FMN2: variants seen among roughly 807,000 people sequenced by gnomAD.
FMN2 encodes formin-2.
FMN2 carries 51 observed loss-of-function variants against 142.3 expected under a neutral mutation model. The observed-to-expected ratio is 0.36, with a 90% CI of 0.29 to 0.45. FMN2 has a LOEUF of 0.45. FMN2 is among the 20% of genes least tolerant of loss of function. FMN2 has a pLI of 1.00. For missense variants in FMN2, 1,936 were observed against 2,122.8 expected, an observed-to-expected ratio of 0.91 and a Z score of 1.73; for synonymous variants, 882 against 869.8, an observed-to-expected ratio of 1.01 and a Z score of -0.25.
At chr1:240,347,746 T>C (rs907860549) in intron 13 of FMN2, among the ~76,000 whole-genome samples, 10 of 152,170 alleles carry the variant, frequency 6.6e-5, no homozygotes, top group African/African-American at 2.4e-4. Flanking sequence ...TTTATGTCTG[T>C]GTATACCCAA....
chr1:240,226,671 G>C (rs891110685), intron 6 of FMN2, among the ~76,000 whole-genome samples: 1 of 152,164 alleles, frequency 6.6e-6, no homozygotes, highest in Non-Finnish European at 1.5e-5. Flanking sequence ...TGTGGCTGCA[G>C]TGAGCTATGA....
chr1:240,136,995 A>G (rs1394180448), intron 2 of FMN2, among the ~76,000 whole-genome samples: 1 of 149,780 alleles, frequency 6.7e-6, no homozygotes, highest in Non-Finnish European at 1.5e-5. Context: ...GCTTGAACCC[A>G]AGAGGCGGAC....
At chr1:240,299,217 G>T (rs141789838) in intron 8 of FMN2, among the ~76,000 whole-genome samples, 1 of 152,184 alleles carries the variant, frequency 6.6e-6, no homozygotes, top group East Asian at 1.9e-4. Context: ...CAAAGTGCTG[G>T]GATTACAGGC....
intron 6 of FMN2, among the ~76,000 whole-genome samples, chr1:240,249,970 G>T (rs1002576890): frequency 6.6e-6 from 1 of 152,160 alleles, no homozygotes; most frequent in Admixed American, 6.5e-5. Context: ...GAGTTCATCA[G>T]AACTAATGGT....
intron 4 of FMN2, among the ~76,000 whole-genome samples, chr1:240,189,347 G>A (rs1031566759): frequency 2.0e-5 from 3 of 152,188 alleles, no homozygotes; most frequent in Non-Finnish European, 4.4e-5. Context: ...GTTCTGTTCT[G>A]TTGGTGGTCT....
At chr1:240,319,623 C>T (rs749370679) in intron 8 of FMN2, among the ~76,000 whole-genome samples, 9 of 152,100 alleles carry the variant, frequency 5.9e-5, no homozygotes, top group Non-Finnish European at 1.2e-4. Context: ...TAGACTGAAA[C>T]GATGTCGTCT....
intron 1 of FMN2, among the ~76,000 whole-genome samples, chr1:240,097,585 GACCTCGTGATCCGCCC>G (rs1421038993): frequency 1.3e-5 from 2 of 152,108 alleles, no homozygotes; most frequent in Non-Finnish European, 2.9e-5. Context: ...TTGATCTCCT[GACCTCGTGATCCGCCC>G]GCCTCGGCCG....
intron 14 of FMN2, among the ~76,000 whole-genome samples, chr1:240,360,330 A>T (rs1188916618): frequency 6.6e-6 from 1 of 152,208 alleles, no homozygotes; most frequent in Non-Finnish European, 1.5e-5. Flanking sequence ...ACATCTGCAA[A>T]CCAACAGCAT....
chr1:240,229,045 A>C (rs1196180387), intron 6 of FMN2, among the ~76,000 whole-genome samples: 3 of 151,834 alleles, frequency 2.0e-5, no homozygotes, highest in East Asian at 3.9e-4. Context: ...ACTTTCGGAC[A>C]CAGTCACCAG....
chr1:240,400,873 A>C (rs1673961747), intron 15 of FMN2: 1 of 152,432 alleles, frequency 6.6e-6, no homozygotes, highest in Non-Finnish European at 1.5e-5. Context: ...CTTTAATCTC[A>C]GCACTTTTGG....
At chr1:240,304,003 G>T (rs1221663042) in intron 8 of FMN2, among the ~76,000 whole-genome samples, 1 of 151,874 alleles carries the variant, frequency 6.6e-6, no homozygotes, top group Admixed American at 6.6e-5. Context: ...TTCAGTTATT[G>T]TATTTTTCAC....
At chr1:240,389,897 A>C (rs1673549279) in intron 14 of FMN2, among the ~76,000 whole-genome samples, 1 of 152,190 alleles carries the variant, frequency 6.6e-6, no homozygotes, top group Admixed American at 6.5e-5. Flanking sequence ...GCTTGCAGTG[A>C]GCCATCGTTG....
At chr1:240,418,659 T>C (rs1017258866) in intron 15 of FMN2, among the ~76,000 whole-genome samples, 1 of 152,232 alleles carries the variant, frequency 6.6e-6, no homozygotes, top group African/African-American at 2.4e-5. Flanking sequence ...TGAGATTTGC[T>C]GTATGGTCCA....
Position 240,473,193 on chromosome 1 carries a change from C to G in FMN2, c.5142+740C>G, listed in dbSNP as rs1179633866. 6.6e-6 allele frequency among the ~76,000 whole-genome samples: 1 copy of G among 152,094 alleles called. No homozygotes were observed. The highest frequency in any genetic ancestry group is 2.4e-5 in the African/African-American group (1 of 41,408). On this transcript the variant is annotated intron_variant, in intron 17 of 17. Transcript: ENST00000319653. The surrounding 1 kb of genome is among the most constrained non-coding windows in gnomAD (Gnocchi z 4.3). ...ACGCTTTGCCCAGGGTGCCCAGACCCCGTTTATATCCACAGATGGCTCGGC... is the reference window on the plus strand; with the variant it reads ...ACGCTTTGCCCAGGGTGCCCAGACCGCGTTTATATCCACAGATGGCTCGGC...
At chr1:240,410,668 A>G (rs1674359624) in intron 15 of FMN2, among the ~76,000 whole-genome samples, 1 of 152,232 alleles carries the variant, frequency 6.6e-6, no homozygotes, top group Non-Finnish European at 1.5e-5. Flanking sequence ...ATAGCCACAG[A>G]ATATTAACAT....
intron 16 of FMN2, among the ~76,000 whole-genome samples, chr1:240,453,152 A>G (rs1676116123): frequency 6.6e-6 from 1 of 152,234 alleles, no homozygotes; most frequent in Non-Finnish European, 1.5e-5. Context: ...TTTCACATAT[A>G]GAAACTTCTT....
intron 7 of FMN2, among the ~76,000 whole-genome samples, chr1:240,272,823 C>T (rs530133256): frequency 3.2e-4 from 49 of 152,204 alleles, no homozygotes; most frequent in African/African-American, 1.1e-3. Flanking sequence ...TCTTCTTTCA[C>T]GGTCAAACAT....
intron 1 of FMN2, among the ~76,000 whole-genome samples, chr1:240,112,054 G>A (rs79876198): frequency 0.031 from 4,709 of 152,068 alleles, 187 homozygotes; most frequent in African/African-American, 0.099. Context: ...TGTAATATGT[G>A]TGATCAATGA....
intron 3 of FMN2, 71 bp downstream of exon 3, chr1:240,178,139 T>A (rs773757782): frequency 1.2e-4 from 168 of 1,380,478 alleles, no homozygotes; most frequent in Non-Finnish European, 1.6e-4. Context: ...TTATTAAATC[T>A]TAGTTTTAAG....
Sources: gnomAD v4.1 joint callset for allele counts (sites outside exome capture counted in the v4.1 genomes callset) on GRCh38, gnomAD v4.1.1 for gene constraint, Gnocchi (gnomAD v3.1) non-coding constraint, MANE v1.5 for transcripts, NCBI Gene and HGNC (gene_info 2026-07-23, HGNC 2026-07-21) for gene names.